The following SEC24C variants were observed in gnomAD, a reference collection of about 807,000 sequenced individuals.
SEC24C encodes the protein SEC24 homolog C, COPII component, also known as protein transport protein Sec24C.
Under a neutral mutation model 117.0 loss-of-function variants are expected in SEC24C, and 22 were observed. The ratio of observed to expected loss-of-function variants is 0.19; its 90% CI spans 0.13 to 0.27. The LOEUF (loss-of-function observed/expected upper bound fraction) is 0.27. Ranked by LOEUF, SEC24C falls within the 10% of genes least tolerant of loss-of-function variation. The pLI is 1.00. For missense variants in SEC24C, 1,155 were observed against 1,375.1 expected (o/e 0.84, Z 2.53); for synonymous variants, 506 against 529.4 (o/e 0.96, Z 0.61).
At chr10:73,762,615 G>C (rs915638449) in intron 6 of SEC24C, among the ~76,000 whole-genome samples, 2 of 152,206 alleles carry the variant, frequency 1.3e-5, no homozygotes, top group Non-Finnish European at 2.9e-5. Flanking sequence ...TCTTACAGGA[G>C]AAGGGACTGC....
intron 3 of SEC24C, among the ~76,000 whole-genome samples, chr10:73,757,374 TAGCTG>T (rs918627026): frequency 2.2e-5 from 3 of 138,436 alleles, no homozygotes; most frequent in Admixed American, 7.2e-5. Context: ...AAAAAAAAAA[TAGCTG>T]AGCATTGTTG....
chr10:73,752,665 T>C (rs1401031932), intron 3 of SEC24C, among the ~76,000 whole-genome samples: 5 of 151,958 alleles, frequency 3.3e-5, no homozygotes, highest in African/African-American at 1.2e-4. Flanking sequence ...CTGTTTTAAA[T>C]ACATTGGTCC....
chr10:73,754,873 C>T (rs962985843), intron 3 of SEC24C, among the ~76,000 whole-genome samples: 3 of 152,194 alleles, frequency 2.0e-5, no homozygotes, highest in Non-Finnish European at 4.4e-5. Flanking sequence ...GTGCCTCACT[C>T]CTGTAATCCC....
intron 3 of SEC24C, among the ~76,000 whole-genome samples, chr10:73,758,948 C>T (rs934653268): frequency 6.6e-6 from 1 of 152,068 alleles, no homozygotes; most frequent in Non-Finnish European, 1.5e-5. Context: ...ATTGGAAAGA[C>T]ACTGTGGTAG....
intron 8 of SEC24C, 57 bp downstream of exon 8, chr10:73,764,040 A>G: frequency 6.6e-7 from 1 of 1,525,648 alleles, no homozygotes; most frequent in Non-Finnish European, 8.8e-7. Flanking sequence ...AGAGGGGTCT[A>G]AAGCGTCTTC....
At position 73,763,941 on chromosome 10, in the gene SEC24C, G is replaced by A. The variant is rs1361418388; in HGVS notation, c.1185G>A (p.Leu395=). The change falls in exon 8 of 23, where the codon CTG becomes CTA. Residue 395 remains leucine, a synonymous_variant. Coordinates refer to ENST00000345254, the MANE Select transcript of SEC24C (RefSeq NM_198597.3). ...SDMAKQAQVP[L]AAVIKPLARL... is the part of the protein sequence containing the mutation. ...TGGCTAAGCAGGCTCAGGTGCCCCTGGCAGCAGTCATCAAACCGCTGGCAA... is the reference window on the plus strand; with the variant it reads ...TGGCTAAGCAGGCTCAGGTGCCCCTAGCAGCAGTCATCAAACCGCTGGCAA... 3.7e-6 allele frequency: 6 copies of A among 1,609,096 alleles called. No individual in the cohort carries two copies. In the South Asian group the frequency reaches 4.4e-5, roughly 12 times the overall value.
intron 5 of SEC24C, 130 bp from the exon 6 acceptor site, chr10:73,760,583 C>G: frequency 8.4e-7 from 1 of 1,192,074 alleles, no homozygotes; most frequent in African/African-American, 1.5e-5. Context: ...TGGTATTTTT[C>G]TGAATGTCTT....
chr10:73,769,389 C>T lies in SEC24C; in HGVS notation c.2467C>T (p.Arg823Cys), dbSNP rs201679132. 5.9e-5 allele frequency: 95 copies of T among 1,613,974 alleles called. No homozygotes were observed. The highest frequency in any genetic ancestry group is 5.8e-4 in the East Asian group (26 of 44,890). Residue 823 changes from arginine (R) to cysteine (C), a missense_variant, in exon 18 of 23, where the codon CGC becomes TGC. Transcript: ENST00000345254. This position sits in a 1 kb window ranked among gnomAD's most constrained non-coding sequence, Gnocchi z 4.5. ...CAGCTGTGCAGGGCAGCGTCGGCTC[C>T]GCATCCATAATCTGGCCCTGAACTG... ...YTSCAGQRRL[R>C]IHNLALNCCT...
Position 73,746,947 on chromosome 10 carries a change from A to G in SEC24C, c.115A>G (p.Ile39Val), listed in dbSNP as rs761412471. 6.2e-7 allele frequency: 1 copy of G among 1,614,078 alleles called. No homozygotes were observed. Among genetic ancestry groups the G allele is most frequent in the Non-Finnish European group, 8.5e-7 (1 of 1,179,974 alleles). The change falls in exon 2 of 23, where the codon ATT becomes GTT. Residue 39 changes from isoleucine (I) to valine (V), a missense_variant. Ile to Val is a conservative substitution (Grantham distance 29). Transcript: ENST00000345254. Reference protein sequence around the residue: ...GGQSGSTAPAIPYGAYNGPVP... With the variant: ...GGQSGSTAPAVPYGAYNGPVP... Reference sequence around the variant, plus strand: ...GCAATCAGGGTCCACAGCCCCCGCCATTCCCTATGGAGCCTACAATGGCCC... The same window carrying G: ...GCAATCAGGGTCCACAGCCCCCGCCGTTCCCTATGGAGCCTACAATGGCCC...
In SEC24C at chr10:73,744,381, A is replaced by C. The variant is rs1189417538; in HGVS notation, c.-85A>C. ...ACGGGACGGCCCCCTCGGAACCGGA[A>C]GTGGAGCCTGGGAGCCTTGACGTTA... On this transcript the variant is annotated 5_prime_UTR_variant, in exon 1 of 23. Coordinates refer to ENST00000345254, the MANE Select transcript of SEC24C (RefSeq NM_198597.3). The C allele has an allele frequency of 6.5e-6, 1 of 152,692 alleles. No homozygotes were observed. Among genetic ancestry groups the C allele is most frequent in the Non-Finnish European group, 1.5e-5 (1 of 68,078 alleles). 9.5% of individuals were successfully genotyped at this position (152,692 alleles called of 1,614,324 possible). A position where few individuals can be genotyped will look rare whatever the true frequency, so the allele number is the denominator to read the frequency against.
intron 3 of SEC24C, among the ~76,000 whole-genome samples, chr10:73,752,830 AC>A (rs1249314098): frequency 6.6e-6 from 1 of 152,146 alleles, no homozygotes; most frequent in East Asian, 1.9e-4. Context: ...TCACAAAAAA[AC>A]AAAACAAAAC....
intron 2 of SEC24C, among the ~76,000 whole-genome samples, chr10:73,749,625 C>T (rs775724031): frequency 2.6e-5 from 4 of 151,374 alleles, no homozygotes; most frequent in Non-Finnish European, 5.9e-5. Context: ...CTCATTGTAA[C>T]CTCTGTCTCC....
intron 3 of SEC24C, among the ~76,000 whole-genome samples, chr10:73,759,083 C>G (rs992395445): frequency 3.9e-5 from 6 of 152,034 alleles, no homozygotes; most frequent in Non-Finnish European, 7.4e-5. Context: ...TTCGTTTCAG[C>G]TACTTGAGAG....
intron 1 of SEC24C, among the ~76,000 whole-genome samples, chr10:73,746,158 CAAA>C (rs71021568): frequency 7.5e-5 from 7 of 93,052 alleles, no homozygotes; most frequent in Non-Finnish European, 9.9e-5. Context: ...GACTCCGTCT[CAAA>C]AAAAAAAAAA....
chr10:73,745,957 C>T (rs574233173), intron 1 of SEC24C, among the ~76,000 whole-genome samples: 4 of 151,564 alleles, frequency 2.6e-5, no homozygotes, highest in Admixed American at 2.0e-4. Context: ...GTCAGGAGAT[C>T]GAGACCAGCC....
At chr10:73,767,299 T>A in intron 14 of SEC24C, 129 bp downstream of exon 14, 1 of 636,134 alleles carries the variant, frequency 1.6e-6, no homozygotes, top group Non-Finnish European at 2.8e-6. Context: ...ACTGCCAACC[T>A]CCACTGCTGC....
intron 7 of SEC24C, 105 bp downstream of exon 7, chr10:73,763,706 T>TTTTTTTTTTAAAAA: frequency 1.5e-6 from 1 of 681,258 alleles, no homozygotes; most frequent in Non-Finnish European, 2.2e-6. Flanking sequence ...TTTTAGTTTT[T>TTTTTTTTTTAAAAA]AACCAGAGAC....
At position 73,769,278 on chromosome 10, in the gene SEC24C, A is replaced by G. The variant is rs952492515; in HGVS notation, c.2425-69A>G. ...CGGGAGTGGCTCATTTCTCTCTTCC[A>G]GTTTAATAGTGTAGCAAAGGGCCTT... On this transcript the variant is annotated intron_variant, in intron 17 of 22. Transcript: ENST00000345254. This position sits in a 1 kb window ranked among gnomAD's most constrained non-coding sequence, Gnocchi z 4.5. The G allele has an allele frequency of 6.3e-7, 1 of 1,596,064 alleles. No individual in the cohort carries two copies. Among genetic ancestry groups the G allele is most frequent in the Admixed American group, 1.7e-5 (1 of 57,778 alleles).
At chr10:73,747,396 G>A (rs575772487) in intron 2 of SEC24C, among the ~76,000 whole-genome samples, 7 of 151,866 alleles carry the variant, frequency 4.6e-5, no homozygotes, top group South Asian at 4.2e-4. Flanking sequence ...TCTCTCTGTC[G>A]CCCAGGCTGG....
Sources: allele counts gnomAD v4.1 joint callset (sites outside exome capture counted in the v4.1 genomes callset), GRCh38; gene constraint gnomAD v4.1.1; non-coding constraint Gnocchi (gnomAD v3.1); transcripts MANE v1.5; gene names NCBI Gene and HGNC (gene_info 2026-07-23, HGNC 2026-07-21).